LPP: variants seen among roughly 807,000 people sequenced by gnomAD.
LPP encodes lipoma-preferred partner.
In LPP, 38 loss-of-function variants were observed where a neutral mutation model predicts 60.4. That is an observed-to-expected ratio of 0.63 (90% CI 0.49 to 0.83). The LOEUF is 0.83. LPP is among the 40% of genes least tolerant of loss of function. The pLI is 0.00. For missense variants in LPP, 902 were observed against 783.6 expected, an observed-to-expected ratio of 1.15 and a Z score of -1.80; for synonymous variants, 328 against 290.8, an observed-to-expected ratio of 1.13 and a Z score of -1.30.
intron 9 of LPP, among the ~76,000 whole-genome samples, chr3:188,778,185 C>G (rs1738435745): frequency 6.6e-6 from 1 of 152,160 alleles, no homozygotes; most frequent in Non-Finnish European, 1.5e-5. Flanking sequence ...AAAGAACACC[C>G]ATGTTTTCAA....
At position 188,412,318 on chromosome 3, in the gene LPP, G is replaced by A. The variant is rs1019566701; in HGVS notation, c.193+6005G>A. Among the ~76,000 whole-genome samples, 12 of 152,238 alleles carry A rather than the reference G, an allele frequency of 7.9e-5. 1 individual carries two copies. The East Asian group carries it at 1.7e-3, about 22-fold the overall frequency. On this transcript the variant is annotated intron_variant, in intron 4 of 11. Transcript: ENST00000617246. Reference sequence around the variant, plus strand: ...AAATTAAAGACAAATATTGGGAACGGTTTGTGGCCATTCAGACTTTGGGTC... The same window carrying A: ...AAATTAAAGACAAATATTGGGAACGATTTGTGGCCATTCAGACTTTGGGTC...
chr3:188,394,398 A>G (rs1347168736), intron 3 of LPP, among the ~76,000 whole-genome samples: 6 of 152,184 alleles, frequency 3.9e-5, no homozygotes, highest in East Asian at 1.9e-4. Flanking sequence ...TTGTCATTGG[A>G]CATGTACAAA....
rs1431157007 is a variant in LPP, at chr3:188,862,675, T to C, written c.1411-3525T>C. Among the ~76,000 whole-genome samples the C allele has an allele frequency of 2.1e-5, 3 of 142,648 alleles. No homozygotes were observed. In the East Asian group the frequency reaches 6.3e-4, roughly 30 times the overall value. The allele number at this position is 142,648 out of a possible 152,430, so 93.6% of individuals were successfully genotyped here. A position where few individuals can be genotyped will look rare whatever the true frequency, so the allele number is the denominator to read the frequency against. On this transcript the variant is annotated intron_variant, in intron 9 of 11. Coordinates refer to ENST00000617246, the MANE Select transcript of LPP (RefSeq NM_001375462.1). ...TAAGCTGGAAGGTGCTCTTTTCTTT[T>C]AAATCCCCAGCTATCAATGCTGGCA...
chr3:188,350,787 A>T (rs900603963), intron 3 of LPP, among the ~76,000 whole-genome samples: 1 of 152,206 alleles, frequency 6.6e-6, no homozygotes, highest in East Asian at 1.9e-4. Flanking sequence ...CTAGTTTTTA[A>T]TGTATGAAAC....
chr3:188,844,063 T>G (rs1420256461), intron 9 of LPP, among the ~76,000 whole-genome samples: 2 of 152,186 alleles, frequency 1.3e-5, no homozygotes, highest in African/African-American at 4.8e-5. Context: ...ACTGTTAATT[T>G]GCAAAGCTGA....
chr3:188,158,205 G>A (rs1717111090), intron 1 of LPP, among the ~76,000 whole-genome samples: 1 of 152,122 alleles, frequency 6.6e-6, no homozygotes, highest in African/African-American at 2.4e-5. Context: ...TCCAAGCTGA[G>A]TATGTTCATT....
chr3:188,373,209 T>G (rs1773828583), intron 3 of LPP, among the ~76,000 whole-genome samples: 1 of 152,244 alleles, frequency 6.6e-6, no homozygotes, highest in South Asian at 2.1e-4. Context: ...TATAATCCTT[T>G]GGGTATAAAC....
chr3:188,228,745 A>G (rs768034698), intron 2 of LPP, among the ~76,000 whole-genome samples: 2 of 152,210 alleles, frequency 1.3e-5, no homozygotes, highest in African/African-American at 2.4e-5. Flanking sequence ...CAAGTATGAG[A>G]TGTGCAACCC....
chr3:188,422,134 T>G (rs1386756676), intron 4 of LPP, among the ~76,000 whole-genome samples: 2 of 152,160 alleles, frequency 1.3e-5, no homozygotes, highest in Non-Finnish European at 2.9e-5. Context: ...CCCATTTACC[T>G]TTCTCTTCCT....
At chr3:188,351,597 A>G (rs1033171163) in intron 3 of LPP, among the ~76,000 whole-genome samples, 3 of 152,204 alleles carry the variant, frequency 2.0e-5, no homozygotes, top group Non-Finnish European at 4.4e-5. Context: ...GTGTTTTCAC[A>G]TAGTTTAGCT....
intron 2 of LPP, among the ~76,000 whole-genome samples, chr3:188,269,538 G>A (rs73059687): frequency 0.11 from 17,334 of 152,116 alleles, 1,340 homozygotes; most frequent in African/African-American, 0.21. Flanking sequence ...CTGAAATGTA[G>A]CTTGTTAAAA....
intron 7 of LPP, among the ~76,000 whole-genome samples, chr3:188,649,719 CAGAG>C (rs374016071): frequency 2.6e-5 from 4 of 151,722 alleles, no homozygotes; most frequent in African/African-American, 7.3e-5. Flanking sequence ...GGGTCTGAGA[CAGAG>C]AGAGAGAGAT....
At chr3:188,511,696 C>T (rs1815718135) in intron 5 of LPP, among the ~76,000 whole-genome samples, 1 of 152,124 alleles carries the variant, frequency 6.6e-6, no homozygotes, top group South Asian at 2.1e-4. Flanking sequence ...GGGCTATCCT[C>T]TTTTGAAAAC....
At chr3:188,863,444 T>G (rs1206915336) in intron 9 of LPP, among the ~76,000 whole-genome samples, 1 of 152,144 alleles carries the variant, frequency 6.6e-6, no homozygotes. Flanking sequence ...TCTCCACAAC[T>G]CAGGTCCAGC....
At chr3:188,755,631 C>T (rs1729883655) in intron 8 of LPP, among the ~76,000 whole-genome samples, 1 of 151,652 alleles carries the variant, frequency 6.6e-6, no homozygotes, top group South Asian at 2.1e-4. Flanking sequence ...CAGCAAGACC[C>T]TATCTGTACA....
intron 9 of LPP, among the ~76,000 whole-genome samples, chr3:188,825,594 T>G (rs543114756): frequency 9.2e-5 from 14 of 152,054 alleles, no homozygotes; most frequent in African/African-American, 3.1e-4. Context: ...AGTAATGGAA[T>G]GTGTATGTCT....
chr3:188,339,060 G>A (rs1762397941), intron 2 of LPP, among the ~76,000 whole-genome samples: 1 of 151,904 alleles, frequency 6.6e-6, no homozygotes, highest in African/African-American at 2.4e-5. Context: ...CCAAAATATA[G>A]TTGCTTCTGT....
chr3:188,857,140 T>C (rs1036842484), intron 9 of LPP, among the ~76,000 whole-genome samples: 1 of 152,134 alleles, frequency 6.6e-6, no homozygotes, highest in Non-Finnish European at 1.5e-5. Flanking sequence ...TATACCACAA[T>C]AGGCAAATCA....
chr3:188,730,093 C>T (rs762837200), intron 8 of LPP, among the ~76,000 whole-genome samples: 1 of 152,168 alleles, frequency 6.6e-6, no homozygotes, highest in Non-Finnish European at 1.5e-5. Flanking sequence ...TTAAAGATTA[C>T]TTTCAACTTT....
Sources: gnomAD v4.1 joint callset for allele counts (sites outside exome capture counted in the v4.1 genomes callset) on GRCh38, gnomAD v4.1.1 for gene constraint, MANE v1.5 for transcripts, NCBI Gene and HGNC (gene_info 2026-07-23, HGNC 2026-07-21) for gene names.